DIAPH3: variants seen among roughly 807,000 people sequenced by gnomAD.
DIAPH3 encodes diaphanous related formin 3.
In DIAPH3, 117 loss-of-function variants were observed where a neutral mutation model predicts 144.3. The ratio of observed to expected loss-of-function variants is 0.81; its 90% CI spans 0.70 to 0.95. The LOEUF (loss-of-function observed/expected upper bound fraction) is 0.95, where lower values mean the gene tolerates loss of function less well. DIAPH3 is among the 40% of genes least tolerant of loss of function. The probability of loss-of-function intolerance (pLI) is 0.00; values close to 1 mark genes in which losing one functional copy is unlikely to be tolerated. For synonymous variants in DIAPH3, 519 were observed against 488.9 expected (o/e 1.06, Z -0.81); for missense variants, 1,421 against 1,412.7 (o/e 1.01, Z -0.09).
At chr13:60,030,236 C>A (rs78610197) in intron 5 of DIAPH3, among the ~76,000 whole-genome samples, 1 of 152,108 alleles carries the variant, frequency 6.6e-6, no homozygotes, top group African/African-American at 2.4e-5. Context: ...ACTGTGGTAC[C>A]TAGCATAGCC....
In DIAPH3 at chr13:59,710,102, G is replaced by A. The variant is rs1593635818; in HGVS notation, c.3320-43256C>T. ...ACACTCTGGGGACTGTTGTGGGGTG[G>A]GGGTAAGGGGGAGGGATAGCATTGG... is the stretch of plus-strand genomic sequence containing the variant. On this transcript the variant is annotated intron_variant, in intron 27 of 27. Transcript: ENST00000400324. 2.0e-5 allele frequency among the ~76,000 whole-genome samples: 3 copies of A among 152,018 alleles called. No individual in the cohort carries two copies. The South Asian group carries it at 6.3e-4, about 32-fold the overall frequency.
At chr13:59,927,443 A>G (rs2047806904) in intron 17 of DIAPH3, among the ~76,000 whole-genome samples, 1 of 152,128 alleles carries the variant, frequency 6.6e-6, no homozygotes. Flanking sequence ...TTTCTGTAAT[A>G]ACAATATTTG....
At chr13:60,097,966 T>C (rs1334290816) in intron 3 of DIAPH3, among the ~76,000 whole-genome samples, 1 of 152,092 alleles carries the variant, frequency 6.6e-6, no homozygotes, top group Non-Finnish European at 1.5e-5. Flanking sequence ...CCTTAGAAAA[T>C]TTATTGGGAG....
At chr13:60,018,600 T>G (rs922390909) in intron 5 of DIAPH3, among the ~76,000 whole-genome samples, 1 of 152,198 alleles carries the variant, frequency 6.6e-6, no homozygotes, top group South Asian at 2.1e-4. Flanking sequence ...TGCCTACTCA[T>G]GTATTTTATA....
chr13:59,998,168 C>A lies in DIAPH3; in HGVS notation c.1015-5585G>T, dbSNP rs1337994506. ...ACATGCATTGAAGTAACTGCATATA[C>A]CCCACATTGACTCAGAGAAATAAAA... is the stretch of plus-strand genomic sequence containing the variant. On this transcript the variant is annotated intron_variant, in intron 9 of 27. Transcript: ENST00000400324. Among the ~76,000 whole-genome samples, 4 of 152,026 alleles carry A rather than the reference C, an allele frequency of 2.6e-5. No homozygotes were observed. The South Asian group carries it at 8.3e-4, about 32-fold the overall frequency.
chr13:59,836,263 A>AC (rs1338094793), intron 23 of DIAPH3, among the ~76,000 whole-genome samples: 1 of 151,812 alleles, frequency 6.6e-6, no homozygotes, highest in African/African-American at 2.4e-5. Context: ...AACAAGCACT[A>AC]CATGACACAA....
chr13:59,794,079 A>G (rs1415786814), intron 25 of DIAPH3, among the ~76,000 whole-genome samples: 6 of 152,206 alleles, frequency 3.9e-5, no homozygotes. Flanking sequence ...TTGATTACAA[A>G]ATAGGTTCTG....
intron 12 of DIAPH3, among the ~76,000 whole-genome samples, chr13:59,989,821 C>A (rs184466315): frequency 3.0e-4 from 45 of 151,894 alleles, no homozygotes; most frequent in Admixed American, 2.6e-3. Context: ...TGATAAAACC[C>A]CTGCAGGACT....
chr13:60,159,063 T>C (rs1430458738), intron 1 of DIAPH3, among the ~76,000 whole-genome samples: 1 of 152,060 alleles, frequency 6.6e-6, no homozygotes, highest in Non-Finnish European at 1.5e-5. Context: ...CCCAAAGTAA[T>C]TGGCAAACAT....
In DIAPH3 at chr13:59,810,915, T is replaced by C. The variant is rs1403601226; in HGVS notation, c.3036A>G (p.Ile1012Met). 1 of 1,462,288 alleles carries C rather than the reference T, an allele frequency of 6.8e-7. No individual in the cohort carries two copies. 90.6% of individuals were successfully genotyped at this position (1,462,288 alleles called of 1,614,324 possible). Residue 1012 changes from isoleucine (I) to methionine (M), a missense_variant, in exon 25 of 28, where the codon ATA (isoleucine) becomes ATG (methionine). Physicochemically the swap from Ile to Met is conservative, Grantham distance 10. Coordinates refer to ENST00000400324, the MANE Select transcript of DIAPH3 (RefSeq NM_001042517.2). ...CTTCTCTTTTTTTGATATTCTCCTT[T>C]ATTGCTTGCTAAAAAAATTTTGAAA... ...NNFRTTFMQAIKENIKKREAE... is the reference protein window; with the variant it reads ...NNFRTTFMQAMKENIKKREAE...
intron 4 of DIAPH3, among the ~76,000 whole-genome samples, chr13:60,081,669 C>CA (rs2057563707): frequency 6.6e-6 from 1 of 151,988 alleles, no homozygotes; most frequent in East Asian, 1.9e-4. Flanking sequence ...AGGTTGAAGA[C>CA]AAACCACCAA....
At chr13:60,162,073 GT>G (rs1387427471) in intron 1 of DIAPH3, among the ~76,000 whole-genome samples, 4 of 152,050 alleles carry the variant, frequency 2.6e-5, no homozygotes, top group African/African-American at 9.7e-5. Context: ...TTTTAGATGT[GT>G]TTTTTACCTT....
chr13:59,955,084 A>G (rs1412706183), intron 17 of DIAPH3, among the ~76,000 whole-genome samples: 4 of 150,722 alleles, frequency 2.7e-5, no homozygotes, highest in Non-Finnish European at 5.9e-5. Flanking sequence ...ATACATGTAT[A>G]TATATATATA....
At chr13:59,938,171 G>T (rs1051202077) in intron 17 of DIAPH3, among the ~76,000 whole-genome samples, 1 of 152,140 alleles carries the variant, frequency 6.6e-6, no homozygotes, top group African/African-American at 2.4e-5. Context: ...CCTGATCTGT[G>T]TTCTAGAATA....
At chr13:59,836,178 T>G (rs1365876364) in intron 23 of DIAPH3, among the ~76,000 whole-genome samples, 1 of 151,818 alleles carries the variant, frequency 6.6e-6, no homozygotes, top group East Asian at 1.9e-4. Context: ...GAATTTCAAG[T>G]GCAATGCTCC....
chr13:59,795,525 G>GCTCA (rs2039550539), intron 25 of DIAPH3, among the ~76,000 whole-genome samples: 1 of 149,502 alleles, frequency 6.7e-6, no homozygotes, highest in African/African-American at 2.5e-5. Context: ...CGTGATCTCA[G>GCTCA]CTCACTGCGA....
intron 27 of DIAPH3, among the ~76,000 whole-genome samples, chr13:59,690,790 C>A (rs1299279490): frequency 6.6e-6 from 1 of 152,192 alleles, no homozygotes; most frequent in Non-Finnish European, 1.5e-5. Flanking sequence ...GGATTGCCTA[C>A]TATGCATCTA....
intron 1 of DIAPH3, among the ~76,000 whole-genome samples, chr13:60,142,784 G>A (rs1336187696): frequency 1.3e-5 from 2 of 151,952 alleles, no homozygotes; most frequent in Admixed American, 1.3e-4. Flanking sequence ...TAGAGACAGG[G>A]TCTTGCTGTG....
At chr13:60,124,862 A>G (rs1050438997) in intron 2 of DIAPH3, among the ~76,000 whole-genome samples, 1 of 152,038 alleles carries the variant, frequency 6.6e-6, no homozygotes, top group African/African-American at 2.4e-5. Flanking sequence ...AGAATGAGAT[A>G]TACTTCTAGA....
Sources: gnomAD v4.1 joint callset for allele counts (sites outside exome capture counted in the v4.1 genomes callset) on GRCh38, gnomAD v4.1.1 for gene constraint, MANE v1.5 for transcripts, NCBI Gene and HGNC (gene_info 2026-07-23, HGNC 2026-07-21) for gene names.